The following TRPC4 variants were observed in gnomAD, a reference collection of about 807,000 sequenced individuals.
TRPC4 encodes short transient receptor potential channel 4.
Under a neutral mutation model 99.4 loss-of-function variants are expected in TRPC4, and 49 were observed. The ratio of observed to expected loss-of-function variants is 0.49; its 90% CI spans 0.39 to 0.63. The LOEUF (loss-of-function observed/expected upper bound fraction) is 0.63, where lower values mean the gene tolerates loss of function less well. Among genes scored for constraint, TRPC4 ranks in the 20% least tolerant of loss-of-function variants. The pLI is 0.00. For missense variants in TRPC4, 898 were observed against 1,152.9 expected, an observed-to-expected ratio of 0.78 and a Z score of 3.20; for synonymous variants, 454 against 425.9, an observed-to-expected ratio of 1.07 and a Z score of -0.81.
At chr13:37,659,585 A>G (rs1431280680) in intron 6 of TRPC4, among the ~76,000 whole-genome samples, 1 of 152,206 alleles carries the variant, frequency 6.6e-6, no homozygotes, top group African/African-American at 2.4e-5. Flanking sequence ...TCCTGTAAGA[A>G]ATGGGAAACC....
intron 1 of TRPC4, among the ~76,000 whole-genome samples, chr13:37,784,024 A>T (rs1956912074): frequency 6.6e-6 from 1 of 152,092 alleles, no homozygotes; most frequent in South Asian, 2.1e-4. Context: ...ACTTAATGCT[A>T]GTAAGTAGTG....
intron 2 of TRPC4, among the ~76,000 whole-genome samples, chr13:37,775,479 C>T (rs1202178154): frequency 2.7e-5 from 4 of 150,904 alleles, no homozygotes; most frequent in South Asian, 2.1e-4. Context: ...ACGTGTGTCA[C>T]GGTGGTTTGC....
chr13:37,727,942 C>A (rs1467780075), intron 3 of TRPC4, among the ~76,000 whole-genome samples: 6 of 151,904 alleles, frequency 3.9e-5, no homozygotes, highest in Admixed American at 3.9e-4. Context: ...TTTAAAAAAT[C>A]ATACTATTTT....
intron 2 of TRPC4, among the ~76,000 whole-genome samples, chr13:37,763,204 A>C (rs961167162): frequency 7.3e-5 from 11 of 151,622 alleles, no homozygotes; most frequent in Non-Finnish European, 8.8e-5. Context: ...TGACATTTCG[A>C]AATTTAGAGA....
intron 2 of TRPC4, among the ~76,000 whole-genome samples, chr13:37,746,780 A>G (rs1016191262): frequency 2.6e-5 from 4 of 151,972 alleles, no homozygotes; most frequent in African/African-American, 9.7e-5. Context: ...TCCAGCTGAC[A>G]CTATTTTCTT....
chr13:37,831,885 AG>A (rs958381547), intron 1 of TRPC4, among the ~76,000 whole-genome samples: 8 of 152,106 alleles, frequency 5.3e-5, no homozygotes, highest in Non-Finnish European at 1.2e-4. Context: ...GTCTGGCAGG[AG>A]GGTGGAGTGG....
chr13:37,696,519 C>T (rs1953909382), intron 3 of TRPC4, among the ~76,000 whole-genome samples: 1 of 152,184 alleles, frequency 6.6e-6, no homozygotes, highest in African/African-American at 2.4e-5. Flanking sequence ...AGACTGTAGT[C>T]ATTCTCTATA....
At chr13:37,817,167 C>T (rs653022) in intron 1 of TRPC4, among the ~76,000 whole-genome samples, 3 of 151,930 alleles carry the variant, frequency 2.0e-5, no homozygotes, top group South Asian at 2.1e-4. Flanking sequence ...ACACAACTTC[C>T]GCAAAGTCTC....
chr13:37,772,903 C>T (rs1045697844), intron 2 of TRPC4, among the ~76,000 whole-genome samples: 27 of 151,850 alleles, frequency 1.8e-4, no homozygotes, highest in African/African-American at 4.6e-4. Flanking sequence ...ATCTCCTACA[C>T]TCTCGTGAAT....
intron 2 of TRPC4, among the ~76,000 whole-genome samples, chr13:37,748,280 T>C (rs1398720561): frequency 1.3e-5 from 2 of 152,158 alleles, no homozygotes; most frequent in Non-Finnish European, 2.9e-5. Context: ...AATAATTTCC[T>C]ATATTAGATG....
At chr13:37,793,957 G>A (rs1361513087) in intron 1 of TRPC4, among the ~76,000 whole-genome samples, 1 of 152,062 alleles carries the variant, frequency 6.6e-6, no homozygotes, top group Non-Finnish European at 1.5e-5. Flanking sequence ...AAAAAATAGA[G>A]AGACTCAAAA....
At chr13:37,689,360 G>C (rs1953604089) in intron 4 of TRPC4, among the ~76,000 whole-genome samples, 1 of 152,154 alleles carries the variant, frequency 6.6e-6, no homozygotes, top group Non-Finnish European at 1.5e-5. Context: ...CATGGATCTA[G>C]CAAGGCACTG....
At chr13:37,659,838 A>C (rs1483542917) in intron 6 of TRPC4, among the ~76,000 whole-genome samples, 2 of 152,098 alleles carry the variant, frequency 1.3e-5, no homozygotes, top group Non-Finnish European at 2.9e-5. Context: ...AATGTTTTTG[A>C]TGTAAGTTTC....
At chr13:37,833,586 C>G (rs2139603221) in intron 1 of TRPC4, among the ~76,000 whole-genome samples, 1 of 152,240 alleles carries the variant, frequency 6.6e-6, no homozygotes, top group African/African-American at 2.4e-5. Flanking sequence ...CTTAGCCTTG[C>G]CTTTGGGTCT....
chr13:37,768,358 G>C (rs952660674), intron 2 of TRPC4, among the ~76,000 whole-genome samples: 2 of 151,400 alleles, frequency 1.3e-5, no homozygotes, highest in Admixed American at 1.3e-4. Context: ...AAAGACACGC[G>C]GAGAGCCATG....
chr13:37,663,271 C>A (rs568849316), intron 6 of TRPC4, 145 bp downstream of exon 6: 21 of 629,506 alleles, frequency 3.3e-5, no homozygotes, highest in African/African-American at 2.6e-4. Context: ...CTATTCAAAG[C>A]CATGTTAATT....
At chr13:37,745,458 A>ATATATATATGCGTG (rs1555265727) in intron 3 of TRPC4, among the ~76,000 whole-genome samples, 105 of 6,586 alleles carry the variant, frequency 0.016, 4 homozygotes, top group East Asian at 0.03. Flanking sequence ...ATATATATAT[A>ATATATATATGCGTG]TATATATATA....
At chr13:37,696,723 A>G (rs1217077270) in intron 3 of TRPC4, among the ~76,000 whole-genome samples, 1 of 152,204 alleles carries the variant, frequency 6.6e-6, no homozygotes, top group East Asian at 1.9e-4. Context: ...ACAAATTCAT[A>G]TACATACCAG....
At chr13:37,801,766 T>G (rs1957408565) in intron 1 of TRPC4, among the ~76,000 whole-genome samples, 1 of 151,404 alleles carries the variant, frequency 6.6e-6, no homozygotes, top group African/African-American at 2.4e-5. Flanking sequence ...AATACTAAAG[T>G]AAGGATATTT....
Sources: allele counts gnomAD v4.1 joint callset (sites outside exome capture counted in the v4.1 genomes callset), GRCh38; gene constraint gnomAD v4.1.1; transcripts MANE v1.5; gene names NCBI Gene and HGNC (gene_info 2026-07-23, HGNC 2026-07-21).